Variants in CABLES2 observed in about 807,000 individuals in gnomAD.
CABLES2 encodes Cdk5 and Abl enzyme substrate 2.
CABLES2 carries 35 observed loss-of-function variants against 44.8 expected under a neutral mutation model. The observed-to-expected ratio is 0.78, with a 90% CI of 0.60 to 1.04. The LOEUF (loss-of-function observed/expected upper bound fraction) is 1.04, where lower values mean the gene tolerates loss of function less well. CABLES2 is among the 50% of genes least tolerant of loss of function. The pLI, the probability that CABLES2 is intolerant of heterozygous loss-of-function variation, is 0.00. For synonymous variants in CABLES2, 282 were observed against 281.1 expected (o/e 1.00, Z -0.03); for missense variants, 566 against 615.7 (o/e 0.92, Z 0.85).
In CABLES2 at chr20:62,389,637, T is replaced by C. The variant is rs978333689; in HGVS notation, c.*1334A>G. ...TCCAGGGCCAGGCAGGTTTATAAGGTAGTGGTAGGAAAAAGCTTGGTGGCT... is the reference window on the plus strand; with the variant it reads ...TCCAGGGCCAGGCAGGTTTATAAGGCAGTGGTAGGAAAAAGCTTGGTGGCT... On this transcript the variant is annotated 3_prime_UTR_variant, in exon 10 of 10. Coordinates refer to ENST00000279101, the MANE Select transcript of CABLES2 (RefSeq NM_031215.3). The C allele has an allele frequency of 1.3e-5, 2 of 152,090 alleles. No homozygotes were observed. The highest frequency in any genetic ancestry group is 4.8e-5 in the African/African-American group (2 of 41,372). 9.4% of individuals were successfully genotyped at this position (152,090 alleles called of 1,614,324 possible). A position where few individuals can be genotyped will look rare whatever the true frequency, so the allele number is the denominator to read the frequency against.
chr20:62,391,630 G>A lies in CABLES2; in HGVS notation c.1092-177C>T, dbSNP rs2427307. On this transcript the variant is annotated intron_variant, in intron 8 of 9. Coordinates refer to ENST00000279101, the MANE Select transcript of CABLES2 (RefSeq NM_031215.3). This position sits in a 1 kb window ranked among gnomAD's most constrained non-coding sequence, Gnocchi z 5.7. The stretch of plus-strand genomic sequence containing the variant: ...CCATGTATAACGCCCAGGGCAGGGC[G>A]CATGGGCAGGGACCGGCAGGCTGGG... Among the ~76,000 whole-genome samples, 54,993 of 152,108 alleles carry A rather than the reference G, an allele frequency of 0.36. 10,986 individuals carry two copies. The highest frequency in any genetic ancestry group is 0.54 in the African/African-American group (22,326 of 41,514).
rs747949 is a variant in CABLES2 at position 62,389,066 on chromosome 20, G to A, written c.*1905C>T. ...AGCCATTTCTCGCATTCATGTGTAG[G>A]AAAAACCATGGAGACGTGTCCCTGG... On this transcript the variant is annotated 3_prime_UTR_variant, in exon 10 of 10. Transcript: ENST00000279101. 0.64 allele frequency: 98,065 copies of A among 153,788 alleles called. 33,870 individuals are homozygous for A. The highest frequency in any genetic ancestry group is 0.9 in the African/African-American group (37,504 of 41,554). 9.5% of individuals were successfully genotyped at this position (153,788 alleles called of 1,614,324 possible). A position where few individuals can be genotyped will look rare whatever the true frequency, so the allele number is the denominator to read the frequency against.
intron 1 of CABLES2, among the ~76,000 whole-genome samples, chr20:62,397,647 C>T (rs143055613): frequency 6.6e-6 from 1 of 152,268 alleles, no homozygotes; most frequent in Non-Finnish European, 1.5e-5. Context: ...CCAGGTCTGT[C>T]GGGGACTCCA....
intron 1 of CABLES2, chr20:62,403,850 A>G (rs1436240921): frequency 1.3e-5 from 2 of 152,374 alleles, no homozygotes; most frequent in Admixed American, 6.5e-5. Flanking sequence ...CTGGGAAAGA[A>G]TAAGTATTAG....
intron 7 of CABLES2, 84 bp from the exon 8 acceptor site, chr20:62,392,579 G>C (rs770965268): frequency 5.8e-6 from 6 of 1,031,550 alleles, no homozygotes; most frequent in Non-Finnish European, 9.1e-6. Flanking sequence ...ATTTCTCACT[G>C]TCCTGGGTTT....
rs1212602095 is a variant in CABLES2, at chr20:62,391,402, C to T, written c.1143G>A (p.Val381=). The T allele has an allele frequency of 5.0e-6, 8 of 1,613,250 alleles. No homozygotes were observed. The highest frequency in any genetic ancestry group is 1.1e-5 in the South Asian group (1 of 91,090). ...SLSEECSLEP[V]TVAMAYVYFE... ...AGTACACGTAGGCCATGGCCACCGT[C>T]ACGGGCTCCAGGCTGCACTCCTCCG... Residue 381 remains valine, a synonymous_variant, in exon 9 of 10, where the codon GTG becomes GTA. Coordinates refer to ENST00000279101, the MANE Select transcript of CABLES2 (RefSeq NM_031215.3). The surrounding 1 kb of genome is among the most constrained non-coding windows in gnomAD (Gnocchi z 5.7).
At chr20:62,400,644 C>T (rs988150001) in intron 1 of CABLES2, among the ~76,000 whole-genome samples, 1 of 152,190 alleles carries the variant, frequency 6.6e-6, no homozygotes. Flanking sequence ...TGGGTATTTG[C>T]ATGCCTGGGA....
Position 62,396,631 on chromosome 20 carries a change from C to T in CABLES2, c.363-39G>A. 3 of 1,579,630 alleles carry T rather than the reference C, an allele frequency of 1.9e-6. No homozygotes were observed. Among genetic ancestry groups the T allele is most frequent in the Non-Finnish European group, 2.6e-6 (3 of 1,161,836 alleles). ...ATGGAGCCTCAAAACAGGCCACCAG[C>T]CCGGGTGCCGCCTTTGTGGCCAGAA... is the stretch of plus-strand genomic sequence containing the variant. On this transcript the variant is annotated intron_variant, in intron 1 of 9. Transcript: ENST00000279101. The surrounding 1 kb of genome is among the most constrained non-coding windows in gnomAD (Gnocchi z 5.7).
chr20:62,395,767 A>G (rs1342088294), intron 3 of CABLES2, among the ~76,000 whole-genome samples: 23 of 152,170 alleles, frequency 1.5e-4, no homozygotes, highest in Admixed American at 1.5e-3. Flanking sequence ...GGTGCCCGGC[A>G]GGGGGAGCTC....
At chr20:62,393,162 C>T in intron 6 of CABLES2, 139 bp from the exon 7 acceptor site, 2 of 800,084 alleles carry the variant, frequency 2.5e-6, no homozygotes, top group East Asian at 2.7e-5. Flanking sequence ...CCTGAAGGGC[C>T]CAGGGCTTAG....
chr20:62,392,556 C>T, intron 7 of CABLES2, 61 bp from the exon 8 acceptor site: 1 of 1,210,920 alleles, frequency 8.3e-7, no homozygotes, highest in Admixed American at 1.7e-5. Context: ...GTCCTGCCTG[C>T]TGGGTACGAT....
intron 5 of CABLES2, 81 bp from the exon 6 acceptor site, chr20:62,393,686 GACGC>G: frequency 7.0e-7 from 1 of 1,432,154 alleles, no homozygotes; most frequent in Non-Finnish European, 9.4e-7. Context: ...AGGAAGCCCA[GACGC>G]ACATGCCAGG....
chr20:62,395,142 A>G (rs1227221273), intron 3 of CABLES2, 128 bp from the exon 4 acceptor site: 10 of 764,238 alleles, frequency 1.3e-5, no homozygotes, highest in South Asian at 3.3e-5. Context: ...GAAACTGCCC[A>G]TGCTGTCCAA....
chr20:62,390,783 G>T lies in CABLES2; in HGVS notation c.*188C>A, dbSNP rs954824142. 1.6e-5 allele frequency: 10 copies of T among 624,246 alleles called. No homozygotes were observed. The highest frequency in any genetic ancestry group is 2.8e-5 in the Non-Finnish European group (10 of 359,774). 38.7% of individuals were successfully genotyped at this position (624,246 alleles called of 1,614,324 possible). ...CCCTCGGAGGGACGGTGCACTTGGGGATGAAAGCGACGTCTCTTTCCAAGG... is the reference window on the plus strand; with the variant it reads ...CCCTCGGAGGGACGGTGCACTTGGGTATGAAAGCGACGTCTCTTTCCAAGG... On this transcript the variant is annotated 3_prime_UTR_variant, in exon 10 of 10. Transcript: ENST00000279101.
chr20:62,393,289 G>A (rs1987953911), intron 6 of CABLES2, 151 bp downstream of exon 6: 2 of 933,728 alleles, frequency 2.1e-6, no homozygotes, highest in Admixed American at 4.9e-5. Context: ...TCAGTGTGGA[G>A]CTGTTCCTCT....
chr20:62,390,979 G>A lies in CABLES2; in HGVS notation c.1429C>T (p.Gln477Ter). 1 of 1,614,106 alleles carries A rather than the reference G, an allele frequency of 6.2e-7. No individual in the cohort carries two copies. The highest frequency in any genetic ancestry group is 1.1e-5 in the South Asian group (1 of 91,090). ...VLPHYRRLTQ[Q>*]F ...CTTCTGTGGGGCCTCTGCTAGAACT[G>A]CTGGGTGAGGCGCCTGTAATGAGGT... The change falls in exon 10 of 10, where the codon CAG (glutamine) becomes TAG (stop). Residue 477 changes from glutamine (Q) to a stop codon, truncating the protein, a stop_gained. Transcript: ENST00000279101. LOFTEE classifies it high-confidence loss of function.
chr20:62,398,241 TGATG>T (rs1988114723), intron 1 of CABLES2, among the ~76,000 whole-genome samples: 2 of 130,542 alleles, frequency 1.5e-5, no homozygotes, highest in Admixed American at 7.5e-5. Flanking sequence ...ACGGTGGTGA[TGATG>T]GTGATGGTGG....
chr20:62,398,202 GTGATGGTGA>G, intron 1 of CABLES2, among the ~76,000 whole-genome samples: 1 of 112,646 alleles, frequency 8.9e-6, no homozygotes, highest in South Asian at 3.1e-4. Flanking sequence ...GATGATGGTG[GTGATGGTGA>G]TGTGATGGTG....
intron 6 of CABLES2, 43 bp downstream of exon 6, chr20:62,393,396 GC>G: frequency 6.5e-7 from 1 of 1,543,434 alleles, no homozygotes; most frequent in South Asian, 1.2e-5. Flanking sequence ...GTTAAGGCAC[GC>G]GGGTCACCCT....
Sources: gnomAD v4.1 joint callset for allele counts (sites outside exome capture counted in the v4.1 genomes callset) on GRCh38, gnomAD v4.1.1 for gene constraint, Gnocchi (gnomAD v3.1) non-coding constraint, MANE v1.5 for transcripts, NCBI Gene and HGNC (gene_info 2026-07-23, HGNC 2026-07-21) for gene names.